The following FAF2 variants were observed in gnomAD, a reference collection of about 807,000 sequenced individuals.
The protein encoded by FAF2 is FAS-associated factor 2.
Under a neutral mutation model 62.3 loss-of-function variants are expected in FAF2, and 9 were observed. The observed-to-expected ratio is 0.14, with a 90% CI of 0.09 to 0.25. FAF2 has a LOEUF of 0.25. FAF2 is among the 10% of genes least tolerant of loss of function. The pLI is 1.00. For missense variants in FAF2, 368 were observed against 556.2 expected (o/e 0.66, Z 3.40); for synonymous variants, 202 against 198.0 (o/e 1.02, Z -0.17).
intron 10 of FAF2, among the ~76,000 whole-genome samples, chr5:176,500,522 A>G (rs1196566852): frequency 6.6e-6 from 1 of 152,188 alleles, no homozygotes; most frequent in East Asian, 1.9e-4. Flanking sequence ...CTCTGTAGGA[A>G]AAGCTCTGTC....
intron 9 of FAF2, among the ~76,000 whole-genome samples, 162 bp from the exon 10 acceptor site, chr5:176,499,841 G>A (rs1484326346): frequency 6.6e-6 from 1 of 152,134 alleles, no homozygotes; most frequent in Non-Finnish European, 1.5e-5. Flanking sequence ...TACATGAGAT[G>A]CAATTGTACT....
Position 176,486,391 on chromosome 5 carries a change from G to C in FAF2, c.169G>C (p.Val57Leu). The C allele has an allele frequency of 1.2e-6, 2 of 1,614,166 alleles. No individual in the cohort carries two copies. Among genetic ancestry groups the C allele is most frequent in the Non-Finnish European group, 1.7e-6 (2 of 1,180,016 alleles). Residue 57 changes from valine (V) to leucine (L), a missense_variant, in exon 3 of 11, where the codon GTA (valine) becomes CTA (leucine). Transcript: ENST00000261942. ...VQDRLNEQEG[V>L]PSVFNPPPSR... ...GGACAGATTGAATGAGCAAGAGGGCGTACCTAGTGTTTTCAACCCACCTCC... is the reference window on the plus strand; with the variant it reads ...GGACAGATTGAATGAGCAAGAGGGCCTACCTAGTGTTTTCAACCCACCTCC...
chr5:176,468,151 G>C (rs1463109348), intron 1 of FAF2, among the ~76,000 whole-genome samples: 1 of 152,160 alleles, frequency 6.6e-6, no homozygotes, highest in African/African-American at 2.4e-5. Context: ...GACGACAAGA[G>C]TGAGAATCTG....
chr5:176,495,453 T>G (rs1759043203), intron 7 of FAF2, among the ~76,000 whole-genome samples: 1 of 151,686 alleles, frequency 6.6e-6, no homozygotes, highest in Non-Finnish European at 1.5e-5. Context: ...TTTCACACCA[T>G]AAGGAAAACA....
At chr5:176,489,155 G>A (rs545445178) in intron 4 of FAF2, 128 bp downstream of exon 4, 41 of 615,462 alleles carry the variant, frequency 6.7e-5, no homozygotes, top group Admixed American at 4.6e-4. Context: ...TACACTTCCC[G>A]AACTGTCTTT....
intron 10 of FAF2, among the ~76,000 whole-genome samples, chr5:176,500,488 T>C (rs1247190983): frequency 6.6e-6 from 1 of 152,226 alleles, no homozygotes; most frequent in Non-Finnish European, 1.5e-5. Context: ...CTGCATTGGC[T>C]TCAGAATCCC....
At position 176,467,585 on chromosome 5, in the gene FAF2, G is replaced by A. The variant is rs149736358; in HGVS notation, c.64-11603G>A. ...GGCCTCCCAAAGTTCTGGGATTATG[G>A]GCGTGAGCCACCACGCCCAGCCAGA... On this transcript the variant is annotated intron_variant, in intron 1 of 10. Transcript: ENST00000261942. Among the ~76,000 whole-genome samples, 102 of 152,268 alleles carry A rather than the reference G, an allele frequency of 6.7e-4. 2 individuals carry two copies. The East Asian group carries it at 8.5e-3, about 13-fold the overall frequency.
intron 1 of FAF2, among the ~76,000 whole-genome samples, chr5:176,463,252 C>T (rs1758411552): frequency 6.6e-6 from 1 of 151,838 alleles, no homozygotes; most frequent in Admixed American, 6.6e-5. Flanking sequence ...AAAAAATTAG[C>T]CAGGCATGGT....
intron 1 of FAF2, among the ~76,000 whole-genome samples, chr5:176,468,402 G>GT (rs1476073916): frequency 6.6e-6 from 1 of 152,006 alleles, no homozygotes; most frequent in Non-Finnish European, 1.5e-5. Flanking sequence ...GGCTAACACG[G>GT]TGAAACCCCG....
chr5:176,508,924 A>G lies in FAF2; in HGVS notation c.*1974A>G, dbSNP rs1214336875. On this transcript the variant is annotated 3_prime_UTR_variant, in exon 11 of 11. Coordinates refer to ENST00000261942, the MANE Select transcript of FAF2 (RefSeq NM_014613.3). ...GGGTATTAAGGACCTTTGTGAGGCT[A>G]GGTACACTGTCCACACCTCTTTGGG... The G allele has an allele frequency of 2.0e-5, 3 of 152,176 alleles. No individual in the cohort carries two copies. The highest frequency in any genetic ancestry group is 4.4e-5 in the Non-Finnish European group (3 of 68,024). The allele number at this position is 152,176 out of a possible 1,614,324, so 9.4% of individuals were successfully genotyped here.
At chr5:176,506,472 A>T (rs2113750921) in intron 10 of FAF2, among the ~76,000 whole-genome samples, 1 of 152,328 alleles carries the variant, frequency 6.6e-6, no homozygotes, top group East Asian at 1.9e-4. Context: ...ACTTTTCTGT[A>T]ACTTTGTGAT....
intron 7 of FAF2, among the ~76,000 whole-genome samples, chr5:176,495,409 A>AT (rs371630803): frequency 2.0e-5 from 3 of 151,346 alleles, no homozygotes; most frequent in Admixed American, 6.6e-5. Flanking sequence ...GAAGGTAAGG[A>AT]TTTTTTTTTA....
chr5:176,488,479 T>C lies in FAF2; in HGVS notation c.268-472T>C, dbSNP rs187361671. 4.1e-3 allele frequency among the ~76,000 whole-genome samples: 618 copies of C among 152,292 alleles called. 4 individuals are homozygous for C. Among genetic ancestry groups the C allele is most frequent in the African/African-American group, 0.014 (600 of 41,562 alleles). ...GCTCTGCCCCCAGGCTGGAGTTCAG[T>C]GGCGCGATCTCAGCTCACTGCAACC... On this transcript the variant is annotated intron_variant, in intron 3 of 10. Coordinates refer to ENST00000261942, the MANE Select transcript of FAF2 (RefSeq NM_014613.3).
At chr5:176,497,298 G>C (rs1340514146) in intron 8 of FAF2, among the ~76,000 whole-genome samples, 3 of 151,876 alleles carry the variant, frequency 2.0e-5, no homozygotes, top group African/African-American at 7.3e-5. Context: ...CATAAGTTAT[G>C]TACATTAATT....
At position 176,471,539 on chromosome 5, in the gene FAF2, T is replaced by C. The variant is rs371433387; in HGVS notation, c.64-7649T>C. Among the ~76,000 whole-genome samples, 5 of 151,876 alleles carry C rather than the reference T, an allele frequency of 3.3e-5. No homozygotes were observed. In the East Asian group the frequency reaches 9.7e-4, roughly 29 times the overall value. On this transcript the variant is annotated intron_variant, in intron 1 of 10. Transcript: ENST00000261942. ...CTGGGATTACAGGTGCCCACCACCA[T>C]GCCTGGCTAATTTTTGTATTTTTAG...
intron 10 of FAF2, among the ~76,000 whole-genome samples, chr5:176,503,367 C>T (rs1354148265): frequency 6.6e-6 from 1 of 151,944 alleles, no homozygotes; most frequent in Non-Finnish European, 1.5e-5. Flanking sequence ...GCAGCCTGGC[C>T]AACATGGTGA....
chr5:176,454,331 T>A (rs578060524), intron 1 of FAF2, among the ~76,000 whole-genome samples: 53 of 151,922 alleles, frequency 3.5e-4, no homozygotes, highest in African/African-American at 1.3e-3. Flanking sequence ...AGGCGGAGGT[T>A]GCAGTGAGCC....
At chr5:176,489,640 C>G (rs146107061) in intron 4 of FAF2, among the ~76,000 whole-genome samples, 1 of 152,112 alleles carries the variant, frequency 6.6e-6, no homozygotes, top group Non-Finnish European at 1.5e-5. Context: ...TGGGTTCAAG[C>G]GATTCTCATA....
intron 1 of FAF2, among the ~76,000 whole-genome samples, chr5:176,451,296 G>A (rs1482550891): frequency 1.3e-5 from 2 of 152,174 alleles, no homozygotes; most frequent in African/African-American, 2.4e-5. Flanking sequence ...ACTTGAACCC[G>A]GGAGGTGGAG....
Sources: allele counts gnomAD v4.1 joint callset (sites outside exome capture counted in the v4.1 genomes callset), GRCh38; gene constraint gnomAD v4.1.1; transcripts MANE v1.5; gene names NCBI Gene and HGNC (gene_info 2026-07-23, HGNC 2026-07-21).